Variants in NUP205 observed in about 807,000 individuals in gnomAD.
NUP205 encodes the protein nuclear pore complex protein Nup205.
A neutral mutation model predicts 253.8 loss-of-function variants in NUP205; 76 were observed. The ratio of observed to expected loss-of-function variants is 0.30; its 90% CI spans 0.25 to 0.36. The LOEUF (loss-of-function observed/expected upper bound fraction) is 0.36, where lower values mean the gene tolerates loss of function less well. Ranked by LOEUF, NUP205 falls within the 10% of genes least tolerant of loss-of-function variation. The pLI is 1.00. For synonymous variants in NUP205, 832 were observed against 850.1 expected, an observed-to-expected ratio of 0.98 and a Z score of 0.37; for missense variants, 2,162 against 2,425.5, an observed-to-expected ratio of 0.89 and a Z score of 2.28.
chr7:135,568,723 A>G (rs1192983744), intron 1 of NUP205, among the ~76,000 whole-genome samples: 1 of 152,186 alleles, frequency 6.6e-6, no homozygotes. Flanking sequence ...ATTATAGTCA[A>G]AGTTTGAAAG....
intron 15 of NUP205, 29 bp downstream of exon 15, chr7:135,598,236 C>A: frequency 6.4e-7 from 1 of 1,570,584 alleles, no homozygotes; most frequent in African/African-American, 1.4e-5. Context: ...CTTTTTTCTC[C>A]TTATGCATTT....
rs375847830 is a variant in NUP205, at chr7:135,570,756, T to TAA, written c.29-349_29-348insAA. 8.1e-3 allele frequency among the ~76,000 whole-genome samples: 586 copies of TAA among 72,698 alleles called. 7 individuals are homozygous for TAA. Among genetic ancestry groups the TAA allele is most frequent in the Middle Eastern group, 0.028 (3 of 108 alleles). 47.7% of individuals were successfully genotyped at this position (72,698 alleles called of 152,430 possible). A position where few individuals can be genotyped will look rare whatever the true frequency, so the allele number is the denominator to read the frequency against. ...TATTATATTAATATATTAATTATAT[T>TAA]TATATATTATATTAATATATATTAA... On this transcript the variant is annotated intron_variant, in intron 1 of 42. Transcript: ENST00000285968.
chr7:135,572,757 G>A (rs1471332175), intron 2 of NUP205, among the ~76,000 whole-genome samples: 2 of 152,074 alleles, frequency 1.3e-5, no homozygotes, highest in Non-Finnish European at 1.5e-5. Flanking sequence ...GTTTCACCAC[G>A]TTCGCCAGGC....
intron 7 of NUP205, 78 bp from the exon 8 acceptor site, chr7:135,584,754 C>A: frequency 1.6e-6 from 2 of 1,239,974 alleles, no homozygotes; most frequent in Non-Finnish European, 2.3e-6. Flanking sequence ...GAACCATCAG[C>A]AGAGTATTAT....
Position 135,621,002 on chromosome 7 carries a change from A to G in NUP205, c.4330+1114A>G, listed in dbSNP as rs1004796264. ...TTTATAGACATTTGATGTTCAATCA[A>G]GTTATTCAGAGTTATTCTGCCATTT... On this transcript the variant is annotated intron_variant, in intron 30 of 42. Transcript: ENST00000285968. Among the ~76,000 whole-genome samples the G allele has an allele frequency of 2.5e-4, 38 of 152,348 alleles. 2 individuals are homozygous for G. The highest frequency in any genetic ancestry group is 1.5e-3 in the South Asian group (7 of 4,824).
chr7:135,593,637 A>G (rs1428296365), intron 12 of NUP205, among the ~76,000 whole-genome samples: 1 of 152,204 alleles, frequency 6.6e-6, no homozygotes, highest in Non-Finnish European at 1.5e-5. Context: ...AAACATTTTC[A>G]TGACTGTATA....
chr7:135,604,465 C>CACACA lies in NUP205; in HGVS notation c.2823+5_2823+6insACACA. The CACACA allele has an allele frequency of 6.3e-7, 1 of 1,598,250 alleles. No homozygotes were observed. Among genetic ancestry groups the CACACA allele is most frequent in the Non-Finnish European group, 8.5e-7 (1 of 1,175,488 alleles). ...GGAGATTTCACACATGACCAGGTAA[C>CACACA]TGATTTTGTTGCTCTTGTTATTTTT... On this transcript the variant is annotated splice_donor_region_variant and intron_variant, in intron 19 of 42. Transcript: ENST00000285968.
chr7:135,616,366 A>AT (rs1374459946), intron 24 of NUP205, among the ~76,000 whole-genome samples: 2 of 152,222 alleles, frequency 1.3e-5, no homozygotes, highest in Non-Finnish European at 2.9e-5. Context: ...CAAATTAAGC[A>AT]TAAACTTTTA....
Position 135,631,068 on chromosome 7 carries a change from C to T in NUP205, c.5059+598C>T, listed in dbSNP as rs141964054. Among the ~76,000 whole-genome samples, 104 of 150,202 alleles carry T rather than the reference C, an allele frequency of 6.9e-4. 2 individuals are homozygous for T. In the East Asian group the frequency reaches 0.017, roughly 25 times the overall value. On this transcript the variant is annotated intron_variant, in intron 35 of 42. Coordinates refer to ENST00000285968, the MANE Select transcript of NUP205 (RefSeq NM_015135.3). ...ATTTTCAAACATTGCTTTATGTGTACGTACATATGAGAAAGGGAGGGGGAG... is the reference window on the plus strand; with the variant it reads ...ATTTTCAAACATTGCTTTATGTGTATGTACATATGAGAAAGGGAGGGGGAG...
chr7:135,584,836 G>A lies in NUP205; in HGVS notation c.1047G>A (p.Leu349=), dbSNP rs1806410758. 6.2e-7 allele frequency: 1 copy of A among 1,613,784 alleles called. No individual in the cohort carries two copies. The highest frequency in any genetic ancestry group is 1.7e-5 in the Admixed American group (1 of 60,006). The change falls in exon 8 of 43, where the codon CTG becomes CTA. Residue 349 remains leucine (L), a synonymous_variant. Coordinates refer to ENST00000285968, the MANE Select transcript of NUP205 (RefSeq NM_015135.3). ...TGTTTTAAAATCTGTTTCTAGCTCT[G>A]GCAGAATTCACAGAGGCAGATGAAG... ...GISQLPDVTA[L]AEFTEADEAM... is the part of the protein sequence containing the mutation.
chr7:135,576,282 A>G lies in NUP205; in HGVS notation c.356A>G (p.Gln119Arg). 1 of 1,613,110 alleles carries G rather than the reference A, an allele frequency of 6.2e-7. No individual in the cohort carries two copies. Among genetic ancestry groups the G allele is most frequent in the Non-Finnish European group, 8.5e-7 (1 of 1,179,550 alleles). The change falls in exon 4 of 43, where the codon CAG (glutamine) becomes CGG (arginine). Residue 119 changes from glutamine to arginine, a missense_variant. Coordinates refer to ENST00000285968, the MANE Select transcript of NUP205 (RefSeq NM_015135.3). Reference sequence around the variant, plus strand: ...CTTCCTTTTTTAGGAGAGCATCAACAGCCACATTTTCCTGGCCTTACCAGA... The same window carrying G: ...CTTCCTTTTTTAGGAGAGCATCAACGGCCACATTTTCCTGGCCTTACCAGA... ...VELLLAGEHQ[Q>R]PHFPGLTRGL...
intron 40 of NUP205, 72 bp from the exon 41 acceptor site, chr7:135,645,396 C>A (rs1050745500): frequency 1.9e-5 from 28 of 1,501,880 alleles, no homozygotes; most frequent in Non-Finnish European, 2.4e-5. Flanking sequence ...GTCCTTTTTT[C>A]TTCTCCTCCG....
At chr7:135,626,031 C>G (rs997626825) in intron 32 of NUP205, among the ~76,000 whole-genome samples, 2 of 152,174 alleles carry the variant, frequency 1.3e-5, no homozygotes, top group African/African-American at 4.8e-5. Flanking sequence ...ATCATGCAAG[C>G]TACTGTCTGT....
chr7:135,597,577 T>G (rs1164056946), intron 14 of NUP205, among the ~76,000 whole-genome samples, 159 bp downstream of exon 14: 1 of 152,164 alleles, frequency 6.6e-6, no homozygotes, highest in East Asian at 1.9e-4. Context: ...AGATGAAACT[T>G]TTAATAAAAG....
chr7:135,570,700 A>AATTATATTAATATAATTAATTATATTTAT, intron 1 of NUP205, among the ~76,000 whole-genome samples: 1 of 76,132 alleles, frequency 1.3e-5, no homozygotes, highest in East Asian at 3.2e-4. Flanking sequence ...TAATATAATT[A>AATTATATTAATATAATTAATTATATTTAT]ATTATATTAA....
chr7:135,572,628 C>G (rs1226585326), intron 2 of NUP205, among the ~76,000 whole-genome samples: 3 of 152,210 alleles, frequency 2.0e-5, no homozygotes, highest in African/African-American at 7.2e-5. Flanking sequence ...GCGGTGCGAT[C>G]TTGGCTCACT....
At chr7:135,599,055 T>G (rs905655027) in intron 15 of NUP205, among the ~76,000 whole-genome samples, 5 of 152,214 alleles carry the variant, frequency 3.3e-5, no homozygotes, top group African/African-American at 9.6e-5. Flanking sequence ...CAAGTGTATA[T>G]ATATATGAAG....
chr7:135,608,086 G>A (rs1479703607), intron 22 of NUP205, among the ~76,000 whole-genome samples: 2 of 149,976 alleles, frequency 1.3e-5, no homozygotes, highest in African/African-American at 2.5e-5. Flanking sequence ...GAGTGCAGTG[G>A]CGTGATTGTG....
At chr7:135,587,727 C>G (rs1352041769) in intron 9 of NUP205, 36 bp downstream of exon 9, 4 of 1,529,030 alleles carry the variant, frequency 2.6e-6, no homozygotes, top group Non-Finnish European at 3.6e-6. Flanking sequence ...TCCTCTTTCC[C>G]TCCTTTCATT....
Sources: gnomAD v4.1 joint callset for allele counts (sites outside exome capture counted in the v4.1 genomes callset) on GRCh38, gnomAD v4.1.1 for gene constraint, MANE v1.5 for transcripts, NCBI Gene and HGNC (gene_info 2026-07-23, HGNC 2026-07-21) for gene names.